The following ROBO2 variants were observed in gnomAD, a reference collection of about 807,000 sequenced individuals.
The protein encoded by ROBO2 is roundabout guidance receptor 2.
ROBO2 carries 53 observed loss-of-function variants against 160.8 expected under a neutral mutation model. The observed-to-expected ratio is 0.33, with a 90% CI of 0.26 to 0.41. The LOEUF (loss-of-function observed/expected upper bound fraction) is 0.41. ROBO2 is among the 10% of genes least tolerant of loss of function. The pLI is 1.00. For synonymous variants in ROBO2, 664 were observed against 611.7 expected (o/e 1.09, Z -1.26); for missense variants, 1,577 against 1,722.4 (o/e 0.92, Z 1.49).
intron 2 of ROBO2, among the ~76,000 whole-genome samples, chr3:77,030,303 A>T (rs1007107793): frequency 6.6e-6 from 1 of 151,954 alleles, no homozygotes; most frequent in Non-Finnish European, 1.5e-5. Flanking sequence ...ATACATTTAA[A>T]TTTTCTTTAT....
rs140796291 is a variant in ROBO2 at position 76,939,271 on chromosome 3, T to G, written c.110-158743T>G. 3.9e-3 allele frequency among the ~76,000 whole-genome samples: 588 copies of G among 152,346 alleles called. 1 individual carries two copies. Among genetic ancestry groups the G allele is most frequent in the Non-Finnish European group, 5.9e-3 (403 of 68,026 alleles). Reference sequence around the variant, plus strand: ...TTGAGGTTATTTAGCTATTTCTTGATAAATCTTCATGGTAACATATGTGAA... The same window carrying G: ...TTGAGGTTATTTAGCTATTTCTTGAGAAATCTTCATGGTAACATATGTGAA... On this transcript the variant is annotated intron_variant, in intron 2 of 26. Coordinates refer to the ROBO2 transcript ENST00000487694.
intron 2 of ROBO2, among the ~76,000 whole-genome samples, chr3:76,194,350 G>GTGTGTGTATATATATATATA (rs759087780): frequency 4.8e-5 from 2 of 42,040 alleles, no homozygotes; most frequent in African/African-American, 1.2e-4. Flanking sequence ...TGTATGGTGT[G>GTGTGTGTATATATATATATA]TAAATATATA....
At chr3:77,053,164 T>C (rs775012850) in intron 1 of ROBO2, among the ~76,000 whole-genome samples, 62 of 152,316 alleles carry the variant, frequency 4.1e-4, no homozygotes, top group Non-Finnish European at 7.6e-4. Flanking sequence ...TTAGAAAAGC[T>C]TCTGGTTTTG....
chr3:76,180,210 C>T (rs1416758440), intron 2 of ROBO2, among the ~76,000 whole-genome samples: 4 of 152,090 alleles, frequency 2.6e-5, no homozygotes, highest in African/African-American at 4.8e-5. Flanking sequence ...TAATAATGTC[C>T]ATCCCTCACC....
Position 76,514,044 on chromosome 3 carries a change from C to T in ROBO2, c.109+576442C>T, listed in dbSNP as rs963878507. Among the ~76,000 whole-genome samples, 10 of 152,094 alleles carry T rather than the reference C, an allele frequency of 6.6e-5. No individual in the cohort carries two copies. The South Asian group carries it at 8.3e-4, about 13-fold the overall frequency. On this transcript the variant is annotated intron_variant, in intron 2 of 26. Transcript: ENST00000487694. ...TGTACTTTAATTAGTGTCTTCATTG[C>T]GTATTGTCAGTATGTCACTAAGTCT... is the stretch of plus-strand genomic sequence containing the variant.
At chr3:76,134,874 AAAT>A (rs1053951463) in intron 2 of ROBO2, among the ~76,000 whole-genome samples, 3 of 152,138 alleles carry the variant, frequency 2.0e-5, no homozygotes, top group African/African-American at 7.2e-5. Context: ...TCACAAAAAA[AAAT>A]AAGTAGGGTA....
chr3:76,767,014 T>C (rs1477198169), intron 2 of ROBO2, among the ~76,000 whole-genome samples: 1 of 151,498 alleles, frequency 6.6e-6, no homozygotes, highest in Non-Finnish European at 1.5e-5. Flanking sequence ...GATTAATACA[T>C]TAATACATAG....
chr3:77,138,769 A>C lies in ROBO2; in HGVS notation c.388+40429A>C, dbSNP rs555419222. Among the ~76,000 whole-genome samples the C allele has an allele frequency of 2.0e-5, 3 of 152,320 alleles. No individual in the cohort carries two copies. The South Asian group carries it at 6.2e-4, about 32-fold the overall frequency. ...TCTGTGTTCTTTGTGCCATAATTTAAAGTGGCCAGAAGCAAGCAAGTGGAA... is the reference window on the plus strand; with the variant it reads ...TCTGTGTTCTTTGTGCCATAATTTACAGTGGCCAGAAGCAAGCAAGTGGAA... On this transcript the variant is annotated intron_variant, in intron 2 of 25. Coordinates refer to ENST00000461745, the Ensembl canonical transcript of ROBO2.
chr3:76,642,536 G>A (rs2324620), intron 2 of ROBO2, among the ~76,000 whole-genome samples: 1 of 151,750 alleles, frequency 6.6e-6, no homozygotes, highest in Non-Finnish European at 1.5e-5. Flanking sequence ...ATTTTTAGTA[G>A]ACACGGGGTT....
chr3:76,249,748 C>G (rs1705868462), intron 2 of ROBO2, among the ~76,000 whole-genome samples: 1 of 152,042 alleles, frequency 6.6e-6, no homozygotes, highest in East Asian at 1.9e-4. Flanking sequence ...GTTTAACTAA[C>G]TGGAACAAAT....
intron 2 of ROBO2, among the ~76,000 whole-genome samples, chr3:76,497,988 C>T (rs979260638): frequency 6.6e-6 from 1 of 152,200 alleles, no homozygotes; most frequent in African/African-American, 2.4e-5. Context: ...GTCTTCACAA[C>T]TTATCACTCC....
exon 26 of ROBO2, chr3:77,648,182 G>A (rs1052961252): frequency 3.3e-5 from 5 of 152,254 alleles, no homozygotes; most frequent in African/African-American, 1.2e-4. Flanking sequence ...TCTAGGATGT[G>A]AGGACTTTAA....
chr3:76,333,747 T>A (rs2073668916), intron 2 of ROBO2, among the ~76,000 whole-genome samples: 1 of 152,138 alleles, frequency 6.6e-6, no homozygotes. Context: ...TAATCCAGTC[T>A]GTCATTGTTG....
chr3:77,159,112 A>G (rs188553550), intron 2 of ROBO2, among the ~76,000 whole-genome samples: 1 of 152,150 alleles, frequency 6.6e-6, no homozygotes, highest in African/African-American at 2.4e-5. Flanking sequence ...TGCACCTTTT[A>G]AAATCTCATT....
At chr3:76,273,009 A>C (rs1341920016) in intron 2 of ROBO2, among the ~76,000 whole-genome samples, 2 of 88,798 alleles carry the variant, frequency 2.3e-5, no homozygotes, top group African/African-American at 9.5e-5. Context: ...TATATATAAA[A>C]ATATATTATA....
intron 2 of ROBO2, among the ~76,000 whole-genome samples, chr3:76,324,924 G>C (rs1300315642): frequency 6.6e-6 from 1 of 152,148 alleles, no homozygotes; most frequent in African/African-American, 2.4e-5. Context: ...GGCTAACACG[G>C]TGAAACCCCG....
intron 1 of ROBO2, among the ~76,000 whole-genome samples, chr3:75,908,874 G>T (rs2106704504): frequency 6.6e-6 from 1 of 152,280 alleles, no homozygotes; most frequent in African/African-American, 2.4e-5. Flanking sequence ...GGGATAATTT[G>T]TGTCTTATAA....
At chr3:77,546,374 T>C in exon 7 of ROBO2, 2 of 1,613,334 alleles carry the variant, frequency 1.2e-6, no homozygotes, top group Non-Finnish European at 1.7e-6. Flanking sequence ...AGAGATCAGA[T>C]TGTTGCTCAA....
At chr3:77,370,325 A>G (rs1346514861) in intron 2 of ROBO2, among the ~76,000 whole-genome samples, 1 of 152,220 alleles carries the variant, frequency 6.6e-6, no homozygotes, top group African/African-American at 2.4e-5. Flanking sequence ...ATCTCACCTT[A>G]CATTGGAGTC....
Sources: allele counts gnomAD v4.1 joint callset (sites outside exome capture counted in the v4.1 genomes callset), GRCh38; gene constraint gnomAD v4.1.1; transcripts MANE v1.5; gene names NCBI Gene and HGNC (gene_info 2026-07-23, HGNC 2026-07-21).